Variants in ARB2A observed in about 807,000 individuals in gnomAD.
The protein encoded by ARB2A is ARB2 cotranscriptional regulator A, also known as cotranscriptional regulator ARB2A.
chr5:93,937,873 T>C, the ARB2A span, among the ~76,000 whole-genome samples: 1 of 152,320 alleles, frequency 6.6e-6, no homozygotes, highest in Admixed American at 6.5e-5. Context: ...ACAGTTGTTA[T>C]ACTATATTGT....
the ARB2A span, among the ~76,000 whole-genome samples, chr5:93,897,827 CAA>C: frequency 7.0e-6 from 1 of 142,504 alleles, no homozygotes. Context: ...ATTATAGGGT[CAA>C]AAAAAAAAGG....
chr5:94,013,130 A>G, the ARB2A span, among the ~76,000 whole-genome samples: 1 of 151,582 alleles, frequency 6.6e-6, no homozygotes, highest in Non-Finnish European at 1.5e-5. Flanking sequence ...ACTGATTTCA[A>G]CCAGTTTTTA....
the ARB2A span, among the ~76,000 whole-genome samples, chr5:93,981,341 T>C: frequency 6.6e-6 from 1 of 152,082 alleles, no homozygotes; most frequent in African/African-American, 2.4e-5. Flanking sequence ...AGTGCTAGGA[T>C]TATAGGCATG....
the ARB2A span, among the ~76,000 whole-genome samples, chr5:94,100,068 C>G: frequency 6.6e-6 from 1 of 152,202 alleles, no homozygotes; most frequent in South Asian, 2.1e-4. Flanking sequence ...GCTCCTTCAG[C>G]TGATAAACAA....
the ARB2A span, among the ~76,000 whole-genome samples, chr5:93,802,642 AGAT>A: frequency 2.0e-5 from 3 of 152,094 alleles, no homozygotes; most frequent in African/African-American, 4.8e-5. Flanking sequence ...TTTTATAAAA[AGAT>A]TGCTATGTGC....
the ARB2A span, among the ~76,000 whole-genome samples, chr5:93,911,585 AG>A: frequency 6.6e-6 from 1 of 151,498 alleles, no homozygotes; most frequent in African/African-American, 2.4e-5. Flanking sequence ...AAATAGGAAA[AG>A]GTTCACCTTT....
At chr5:93,781,840 T>C in the ARB2A span, 3 of 969,210 alleles carry the variant, frequency 3.1e-6, no homozygotes, top group African/African-American at 3.5e-5. Flanking sequence ...AATTTAAACA[T>C]ACTTAAACAT....
the ARB2A span, among the ~76,000 whole-genome samples, chr5:93,858,358 C>G: frequency 6.6e-6 from 1 of 152,198 alleles, no homozygotes; most frequent in African/African-American, 2.4e-5. Flanking sequence ...ATGAGCCATT[C>G]TTTGTCAGTT....
chr5:94,073,028 A>G, the ARB2A span, among the ~76,000 whole-genome samples: 98 of 152,192 alleles, frequency 6.4e-4, 1 homozygote, highest in East Asian at 0.018. Flanking sequence ...GCACTTTTCA[A>G]TTAGGGAAAA....
chr5:93,830,511 G>T, the ARB2A span, among the ~76,000 whole-genome samples: 1 of 151,556 alleles, frequency 6.6e-6, no homozygotes, highest in Admixed American at 6.6e-5. Flanking sequence ...TACCTCCTCT[G>T]ATCCTGTTGG....
At chr5:93,854,710 T>C in the ARB2A span, among the ~76,000 whole-genome samples, 1 of 152,216 alleles carries the variant, frequency 6.6e-6, no homozygotes, top group Non-Finnish European at 1.5e-5. Flanking sequence ...CATTTCGTTT[T>C]ATGTACCCAG....
the ARB2A span, among the ~76,000 whole-genome samples, chr5:94,038,718 A>G: frequency 2.0e-5 from 3 of 152,116 alleles, no homozygotes; most frequent in Non-Finnish European, 2.9e-5. Flanking sequence ...TCTCCTTAAG[A>G]AAGAAATAAA....
the ARB2A span, among the ~76,000 whole-genome samples, chr5:93,928,474 T>C: frequency 6.6e-6 from 1 of 152,200 alleles, no homozygotes; most frequent in East Asian, 1.9e-4. Flanking sequence ...TACTGTTTTG[T>C]GTAAAGCACT....
the ARB2A span, among the ~76,000 whole-genome samples, chr5:93,804,444 CTTA>C: frequency 6.6e-6 from 1 of 151,724 alleles, no homozygotes; most frequent in Non-Finnish European, 1.5e-5. Flanking sequence ...TTAATAGACT[CTTA>C]TTATACCAAA....
the ARB2A span, among the ~76,000 whole-genome samples, chr5:93,984,185 A>C: frequency 6.6e-6 from 1 of 152,176 alleles, no homozygotes; most frequent in Non-Finnish European, 1.5e-5. Context: ...AAATATGCAA[A>C]TGTTTCAGAA....
chr5:93,666,664 T>C, the ARB2A span, among the ~76,000 whole-genome samples: 1 of 152,174 alleles, frequency 6.6e-6, no homozygotes, highest in African/African-American at 2.4e-5. Context: ...ACCAAATCAA[T>C]AAAATTAATT....
At chr5:93,771,336 T>C in the ARB2A span, among the ~76,000 whole-genome samples, 2 of 151,550 alleles carry the variant, frequency 1.3e-5, no homozygotes, top group Non-Finnish European at 2.9e-5. Context: ...ACGTTAGACC[T>C]AAAACCATAA....
the ARB2A span, among the ~76,000 whole-genome samples, chr5:93,686,945 TA>T: frequency 2.0e-5 from 3 of 150,902 alleles, no homozygotes; most frequent in Admixed American, 6.6e-5. Flanking sequence ...GAGTGGAAAC[TA>T]AAAAAAAACT....
chr5:93,841,718 T>C, the ARB2A span, among the ~76,000 whole-genome samples: 1 of 152,204 alleles, frequency 6.6e-6, no homozygotes, highest in Non-Finnish European at 1.5e-5. Context: ...TATATAACCC[T>C]GTTAAAACAC....
Sources: gnomAD v4.1 joint callset for allele counts (sites outside exome capture counted in the v4.1 genomes callset) on GRCh38, gnomAD v4.1.1 for gene constraint, MANE v1.5 for transcripts, NCBI Gene and HGNC (gene_info 2026-07-23, HGNC 2026-07-21) for gene names.